The following P2RY12 variants were observed in gnomAD, a reference collection of about 807,000 sequenced individuals.
P2RY12 encodes the protein P2Y purinoceptor 12.
P2RY12 carries 3 observed loss-of-function variants against 4.5 expected under a neutral mutation model. The ratio of observed to expected loss-of-function variants is 0.67; its 90% CI spans 0.31 to 1.74. The LOEUF (loss-of-function observed/expected upper bound fraction) is 1.74, where lower values mean the gene tolerates loss of function less well. Among genes scored for constraint, P2RY12 ranks in the 40% most tolerant of loss-of-function variants. The pLI, the probability that P2RY12 is intolerant of heterozygous loss-of-function variation, is 0.09. For synonymous variants in P2RY12, 148 were observed against 154.1 expected (o/e 0.96, Z 0.29); for missense variants, 356 against 407.8 (o/e 0.87, Z 1.09).
At chr3:151,380,986 A>T (rs1712228258) in intron 1 of P2RY12, among the ~76,000 whole-genome samples, 1 of 152,216 alleles carries the variant, frequency 6.6e-6, no homozygotes, top group Non-Finnish European at 1.5e-5. Flanking sequence ...ATCAGAAGGC[A>T]TGTTGGTTTA....
At chr3:151,344,966 T>C (rs1457483903) in intron 1 of P2RY12, among the ~76,000 whole-genome samples, 2 of 152,210 alleles carry the variant, frequency 1.3e-5, no homozygotes, top group Non-Finnish European at 2.9e-5. Flanking sequence ...AAAGATGAAT[T>C]AGAGCAGACC....
chr3:151,373,057 T>C lies in P2RY12; in HGVS notation c.-180+11635A>G, dbSNP rs982386731. The stretch of plus-strand genomic sequence containing the variant: ...TTCTGAATCATTTAAGAGTAGATTG[T>C]ATATTTTATTCTTTTGAATATTGCA... On this transcript the variant is annotated intron_variant, in intron 1 of 2. Coordinates refer to ENST00000302632, the MANE Select transcript of P2RY12 (RefSeq NM_022788.5). 5.9e-5 allele frequency among the ~76,000 whole-genome samples: 9 copies of C among 152,230 alleles called. 1 individual carries two copies. The highest frequency in any genetic ancestry group is 1.3e-4 in the Non-Finnish European group (9 of 68,034).
intron 1 of P2RY12, chr3:151,384,058 T>C: frequency 6.2e-7 from 1 of 1,600,368 alleles, no homozygotes; most frequent in Non-Finnish European, 8.5e-7. Context: ...CACTTTAAGA[T>C]GAAAATAATT....
chr3:151,380,471 C>T lies in P2RY12; in HGVS notation c.-180+4221G>A, dbSNP rs9868730. ...AATTAGCCGGGCATGATGGTGTGCG[C>T]CTATGATCCCAGCTACTCGGGAGGC... is the stretch of plus-strand genomic sequence containing the variant. On this transcript the variant is annotated intron_variant, in intron 1 of 2. Coordinates refer to ENST00000302632, the MANE Select transcript of P2RY12 (RefSeq NM_022788.5). 0.088 allele frequency among the ~76,000 whole-genome samples: 13,388 copies of T among 151,954 alleles called. 807 individuals are homozygous for T. Among genetic ancestry groups the T allele is most frequent in the Non-Finnish European group, 0.13 (8,930 of 67,954 alleles).
At chr3:151,357,317 C>T in intron 1 of P2RY12, 2 of 1,613,886 alleles carry the variant, frequency 1.2e-6, no homozygotes, top group Non-Finnish European at 1.7e-6. Flanking sequence ...TGGCTGTTCT[C>T]AGGCGCTATC....
At position 151,337,868 on chromosome 3, in the gene P2RY12, A is replaced by G. The variant is rs373677050; in HGVS notation, c.978T>C (p.Asn326=). The part of the protein sequence containing the change: ...PNSATSLSQD[N]RKKEQDGGDP... ...CACCACCATCCTGTTCTTTTTTCCT[A>G]TTGTCCTGGGACAGAGATGTTGCAG... Residue 326 remains asparagine (N), a synonymous_variant, in exon 3 of 3, where the codon AAT becomes AAC. Transcript: ENST00000302632. 1.9e-5 allele frequency: 30 copies of G among 1,613,716 alleles called. No individual in the cohort carries two copies. The highest frequency in any genetic ancestry group is 4.5e-5 in the East Asian group (2 of 44,888).
chr3:151,341,292 A>G (rs1751787276), intron 1 of P2RY12, among the ~76,000 whole-genome samples: 1 of 152,130 alleles, frequency 6.6e-6, no homozygotes. Flanking sequence ...TCCTTCTATT[A>G]TAAATTAGCA....
At chr3:151,349,592 T>A (rs1752974578) in intron 1 of P2RY12, among the ~76,000 whole-genome samples, 1 of 117,544 alleles carries the variant, frequency 8.5e-6, no homozygotes, top group African/African-American at 4.8e-5. Context: ...TCCAGGAATA[T>A]TTTTTATAAA....
Position 151,338,083 on chromosome 3 carries a change from C to A in P2RY12, c.763G>T (p.Ala255Ser). 6.2e-7 allele frequency: 1 copy of A among 1,613,690 alleles called. No individual in the cohort carries two copies. Among genetic ancestry groups the A allele is most frequent in the South Asian group, 1.1e-5 (1 of 91,056 alleles). ...TGGCTCAGGGTGTAAGGAATTCGGG[C>A]AAAATGGAAAGGAACAAAACAAATA... The part of the protein sequence containing the change: ...FFICFVPFHF[A>S]RIPYTLSQTR... The change falls in exon 3 of 3, where the codon GCC becomes TCC. Residue 255 changes from alanine (A) to serine (S), a missense_variant. By Grantham distance (99) the Ala-to-Ser change is moderately conservative. Transcript: ENST00000302632.
chr3:151,380,362 G>C (rs1036186605), intron 1 of P2RY12: 21 of 536,764 alleles, frequency 3.9e-5, no homozygotes, highest in Non-Finnish European at 6.6e-5. Context: ...TTTGGGAGGC[G>C]GAGGCTGGTG....
intron 1 of P2RY12, among the ~76,000 whole-genome samples, chr3:151,360,210 G>A (rs1451298705): frequency 1.3e-5 from 2 of 152,084 alleles, no homozygotes; most frequent in African/African-American, 2.4e-5. Flanking sequence ...TCCTCCATAC[G>A]TACCTTCTTT....
At chr3:151,355,136 A>C in intron 1 of P2RY12, 1 of 1,613,672 alleles carries the variant, frequency 6.2e-7, no homozygotes, top group Non-Finnish European at 8.5e-7. Flanking sequence ...GACGAAGGAC[A>C]AAAAGCCAGG....
intron 1 of P2RY12, among the ~76,000 whole-genome samples, chr3:151,346,451 CCT>C (rs1752547929): frequency 6.6e-6 from 1 of 152,154 alleles, no homozygotes; most frequent in Admixed American, 6.6e-5. Context: ...TTCATCATCA[CCT>C]CTTACTTTAA....
At chr3:151,357,134 T>C (rs1754032558) in intron 1 of P2RY12, 1 of 1,240,156 alleles carries the variant, frequency 8.1e-7, no homozygotes, top group African/African-American at 1.5e-5. Flanking sequence ...ACTCAGTATA[T>C]CTATGGTTTA....
chr3:151,372,825 T>C (rs1756356339), intron 1 of P2RY12: 2 of 1,355,054 alleles, frequency 1.5e-6, no homozygotes, highest in East Asian at 2.3e-5. Flanking sequence ...TGGAGAGAGC[T>C]ACTTACACTT....
intron 1 of P2RY12, chr3:151,383,898 T>TA (rs1391690722): frequency 6.2e-7 from 1 of 1,606,226 alleles, no homozygotes; most frequent in Non-Finnish European, 8.5e-7. Flanking sequence ...AGTATGTTTT[T>TA]ATCACTTCAC....
Position 151,337,783 on chromosome 3 carries a change from CAA to C in P2RY12, c.*32_*33del, listed in dbSNP as rs769221058. 247 of 1,605,346 alleles carry C rather than the reference CAA, an allele frequency of 1.5e-4. No homozygotes were observed. Among genetic ancestry groups the C allele is most frequent in the Non-Finnish European group, 2.0e-4 (231 of 1,172,880 alleles). ...GCTTTGCTTTAACGAGTTCTGAACA[CAA>C]AGAGATTGAAATATTTCCTTAGTTA... On this transcript the variant is annotated 3_prime_UTR_variant, in exon 3 of 3. Coordinates refer to ENST00000302632, the MANE Select transcript of P2RY12 (RefSeq NM_022788.5).
intron 2 of P2RY12, among the ~76,000 whole-genome samples, chr3:151,339,431 T>TTAA (rs1751493528): frequency 1.4e-5 from 2 of 145,888 alleles, no homozygotes; most frequent in East Asian, 2.0e-4. Context: ...ACTGAATCAG[T>TTAA]AAAAAAAAAA....
At chr3:151,382,477 CAAATA>C (rs1348892700) in intron 1 of P2RY12, among the ~76,000 whole-genome samples, 1 of 151,832 alleles carries the variant, frequency 6.6e-6, no homozygotes, top group African/African-American at 2.4e-5. Flanking sequence ...GGCAAATGCA[CAAATA>C]AATAGCCAGA....
Sources: allele counts gnomAD v4.1 joint callset (sites outside exome capture counted in the v4.1 genomes callset), GRCh38; gene constraint gnomAD v4.1.1; transcripts MANE v1.5; gene names NCBI Gene and HGNC (gene_info 2026-07-23, HGNC 2026-07-21).